Variants in SEC14L1 observed in about 807,000 individuals in gnomAD.
SEC14L1 encodes the protein SEC14 like lipid binding 1.
In SEC14L1, 48 loss-of-function variants were observed where a neutral mutation model predicts 85.3. That is an observed-to-expected ratio of 0.56 (90% CI 0.45 to 0.72). The LOEUF (loss-of-function observed/expected upper bound fraction) is 0.72, where lower values mean the gene tolerates loss of function less well. Among genes scored for constraint, SEC14L1 ranks in the 30% least tolerant of loss-of-function variants. SEC14L1 has a pLI of 0.00. For synonymous variants in SEC14L1, 391 were observed against 355.5 expected (o/e 1.10, Z -1.12); for missense variants, 682 against 921.4 (o/e 0.74, Z 3.36).
intron 3 of SEC14L1, among the ~76,000 whole-genome samples, chr17:77,122,306 CTT>C (rs113137425): frequency 1.3e-4 from 18 of 143,328 alleles, no homozygotes; most frequent in Non-Finnish European, 1.1e-4. Context: ...TCTTCATCTT[CTT>C]TTTTTTTTTT....
At chr17:77,166,221 C>T (rs1197289987) in intron 3 of SEC14L1, among the ~76,000 whole-genome samples, 1 of 152,168 alleles carries the variant, frequency 6.6e-6, no homozygotes, top group African/African-American at 2.4e-5. Flanking sequence ...GATTACAGGC[C>T]TGAGCCATCA....
chr17:77,182,977 C>T (rs1398179823), intron 3 of SEC14L1, among the ~76,000 whole-genome samples: 1 of 152,250 alleles, frequency 6.6e-6, no homozygotes, highest in Non-Finnish European at 1.5e-5. Context: ...AGGCCCCGTC[C>T]CGCTGTGCTG....
chr17:77,182,686 CTGGATGACACTG>C lies in SEC14L1; in HGVS notation c.64-8111_64-8100del, dbSNP rs1449896319. On this transcript the variant is annotated intron_variant, in intron 3 of 16. Coordinates refer to ENST00000436233, the MANE Select transcript of SEC14L1 (RefSeq NM_001143998.2). Reference sequence around the variant, plus strand: ...AATGTTGGGCGTGATTAGGAAATGGCTGGATGACACTGTGGATACCTGGAAATTGCTGCTGCT... The same window carrying C: ...AATGTTGGGCGTGATTAGGAAATGGCTGGATACCTGGAAATTGCTGCTGCT... Among the ~76,000 whole-genome samples, 6 of 152,290 alleles carry C rather than the reference CTGGATGACACTG, an allele frequency of 3.9e-5. No individual in the cohort carries two copies. The South Asian group carries it at 1.2e-3, about 32-fold the overall frequency.
intron 3 of SEC14L1, among the ~76,000 whole-genome samples, chr17:77,147,481 A>G (rs926089994): frequency 1.3e-5 from 2 of 152,136 alleles, no homozygotes; most frequent in African/African-American, 4.8e-5. Flanking sequence ...TTGTTTTGTT[A>G]GATATCAGCC....
intron 14 of SEC14L1, 64 bp from the exon 15 acceptor site, chr17:77,211,886 G>T (rs1008567342): frequency 5.7e-5 from 91 of 1,587,314 alleles, no homozygotes; most frequent in Non-Finnish European, 7.4e-5. Flanking sequence ...AGAGCACGAT[G>T]CGCTCGCAGC....
intron 3 of SEC14L1, chr17:77,185,274 T>C (rs1975216516): frequency 1.1e-5 from 11 of 985,458 alleles, no homozygotes; most frequent in Non-Finnish European, 1.3e-5. Flanking sequence ...AGGGAGGCGC[T>C]TGCTAACTGC....
At chr17:77,142,043 C>T (rs1973073961) in intron 1 of SEC14L1, among the ~76,000 whole-genome samples, 1 of 152,152 alleles carries the variant, frequency 6.6e-6, no homozygotes, top group South Asian at 2.1e-4. Context: ...GTTTGGCTCT[C>T]ATTCTCATGG....
At chr17:77,178,233 C>G (rs1476761675) in intron 3 of SEC14L1, among the ~76,000 whole-genome samples, 1 of 152,054 alleles carries the variant, frequency 6.6e-6, no homozygotes, top group Non-Finnish European at 1.5e-5. Flanking sequence ...CATAGCACTC[C>G]CATCCCACCT....
At chr17:77,157,169 T>A (rs77257401) in intron 3 of SEC14L1, among the ~76,000 whole-genome samples, 2,255 of 152,304 alleles carry the variant, frequency 0.015, 23 homozygotes, top group South Asian at 0.046. Context: ...GTATTAAAAA[T>A]CAAGGCCCAG....
At chr17:77,152,278 G>A (rs1456431284) in intron 3 of SEC14L1, among the ~76,000 whole-genome samples, 1 of 152,182 alleles carries the variant, frequency 6.6e-6, no homozygotes, top group Non-Finnish European at 1.5e-5. Flanking sequence ...GCTCATGCCT[G>A]TAATCCCAGC....
intron 3 of SEC14L1, among the ~76,000 whole-genome samples, chr17:77,186,284 C>T (rs1975262510): frequency 1.3e-5 from 2 of 152,186 alleles, no homozygotes; most frequent in Admixed American, 1.3e-4. Flanking sequence ...GGCTGTGGGT[C>T]CTGCCGCCAC....
rs1976992508 is a variant in SEC14L1 at position 77,215,501 on chromosome 17, G to A, written c.*1478G>A. The A allele has an allele frequency of 1.0e-6, 1 of 985,902 alleles. No individual in the cohort carries two copies. Among genetic ancestry groups the A allele is most frequent in the African/African-American group, 1.7e-5 (1 of 57,186 alleles). 61.1% of individuals were successfully genotyped at this position (985,902 alleles called of 1,614,324 possible). ...GGGTGCTGCGTGACTGGAGAGCTGTGTGGAGGCCATGTGTGCCCCGTGCAG... is the reference window on the plus strand; with the variant it reads ...GGGTGCTGCGTGACTGGAGAGCTGTATGGAGGCCATGTGTGCCCCGTGCAG... On this transcript the variant is annotated 3_prime_UTR_variant, in exon 17 of 17. Transcript: ENST00000436233.
chr17:77,206,299 C>T lies in SEC14L1; in HGVS notation c.1240C>T (p.Leu414=), dbSNP rs761615575. 2.1e-5 allele frequency: 34 copies of T among 1,614,156 alleles called. No individual in the cohort carries two copies. The East Asian group carries it at 5.6e-4, about 26-fold the overall frequency. Residue 414 remains leucine, a synonymous_variant, in exon 12 of 17, where the codon CTG becomes TTG. Transcript: ENST00000436233. The surrounding 1 kb of genome is among the most constrained non-coding windows in gnomAD (Gnocchi z 4.3). ...RHLWRPGVKA[L]LRIIEVVEAN... is the part of the protein sequence containing the mutation. ...CTTGTGGAGACCTGGTGTGAAAGCG[C>T]TGCTGCGGATCATCGAGGTGGTGGA...
At chr17:77,200,927 C>G (rs74396300) in intron 9 of SEC14L1, among the ~76,000 whole-genome samples, 3 of 152,370 alleles carry the variant, frequency 2.0e-5, no homozygotes, top group Non-Finnish European at 4.4e-5. Flanking sequence ...CATCCTTGGG[C>G]AAATGACTTC....
intron 2 of SEC14L1, among the ~76,000 whole-genome samples, chr17:77,091,629 C>A (rs569972192): frequency 6.6e-6 from 1 of 152,200 alleles, no homozygotes; most frequent in Non-Finnish European, 1.5e-5. Flanking sequence ...CTAGTGGCTG[C>A]TGTGTTGGTC....
upstream of SEC14L1, chr17:77,140,611 G>C (rs1392277935): frequency 2.0e-5 from 3 of 152,440 alleles, no homozygotes; most frequent in African/African-American, 7.2e-5. Flanking sequence ...TCCCCTGCAC[G>C]CCGGCAGCCC....
In SEC14L1 at chr17:77,159,363, G is replaced by A. The variant is rs374795777; in HGVS notation, c.63+15704G>A. On this transcript the variant is annotated intron_variant, in intron 3 of 16. Transcript: ENST00000436233. ...GTTACAGGCATGAGCCACCACACCC[G>A]GCCTCTTTTCTTCTTCTTCTTTTTT... Among the ~76,000 whole-genome samples, 101 of 150,568 alleles carry A rather than the reference G, an allele frequency of 6.7e-4. No homozygotes were observed. In the East Asian group the frequency reaches 0.017, roughly 26 times the overall value.
At chr17:77,190,379 C>T (rs1038972751) in intron 3 of SEC14L1, among the ~76,000 whole-genome samples, 2 of 152,088 alleles carry the variant, frequency 1.3e-5, no homozygotes, top group Admixed American at 1.3e-4. Flanking sequence ...ATGTCAGTTA[C>T]CCCTCTCCTA....
At chr17:77,141,203 C>G (rs958128756) in intron 1 of SEC14L1, 96 bp downstream of exon 1, 1 of 151,908 alleles carries the variant, frequency 6.6e-6, no homozygotes, top group African/African-American at 2.4e-5. Context: ...CCGGAACTCC[C>G]GGCCGCCCGC....
Sources: gnomAD v4.1 joint callset for allele counts (sites outside exome capture counted in the v4.1 genomes callset) on GRCh38, gnomAD v4.1.1 for gene constraint, Gnocchi (gnomAD v3.1) non-coding constraint, MANE v1.5 for transcripts, NCBI Gene and HGNC (gene_info 2026-07-23, HGNC 2026-07-21) for gene names.